Variants in CDH4 observed in about 807,000 individuals in gnomAD.
CDH4 encodes the protein cadherin-4.
CDH4 carries 33 observed loss-of-function variants against 86.0 expected under a neutral mutation model. The observed-to-expected ratio is 0.38, with a 90% CI of 0.29 to 0.51. The LOEUF (loss-of-function observed/expected upper bound fraction) is 0.51. Among genes scored for constraint, CDH4 ranks in the 20% least tolerant of loss-of-function variants. The pLI is 0.86. For missense variants in CDH4, 1,114 were observed against 1,307.4 expected (o/e 0.85, Z 2.28); for synonymous variants, 555 against 549.4 (o/e 1.01, Z -0.14).
chr20:61,806,257 G>A (rs1980122812), intron 4 of CDH4, among the ~76,000 whole-genome samples: 1 of 152,194 alleles, frequency 6.6e-6, no homozygotes, highest in South Asian at 2.1e-4. Flanking sequence ...ACTGGTTGGG[G>A]GTGGAGTGTT....
rs1003729216 is a variant in CDH4, at chr20:61,252,685, C to T, written c.57+115C>T. 36 of 520,650 alleles carry T rather than the reference C, an allele frequency of 6.9e-5. No homozygotes were observed. In the African/African-American group the frequency reaches 7.3e-4, roughly 11 times the overall value. The allele number at this position is 520,650 out of a possible 1,614,324, so 32.3% of individuals were successfully genotyped here. A position where few individuals can be genotyped will look rare whatever the true frequency, so the allele number is the denominator to read the frequency against. On this transcript the variant is annotated intron_variant, in intron 1 of 15. Transcript: ENST00000614565. This position sits in a 1 kb window ranked among gnomAD's most constrained non-coding sequence, Gnocchi z 4.4. ...GGGGCTCTCCCGGGCTCCCCCGCCG[C>T]GCTCCCCGCTGCATCCAGCCCGGCG...
At chr20:61,259,982 A>G (rs1359607253) in intron 2 of CDH4, among the ~76,000 whole-genome samples, 2 of 152,184 alleles carry the variant, frequency 1.3e-5, no homozygotes, top group Admixed American at 6.5e-5. Context: ...GGTGGAACAC[A>G]AATTGGGTCC....
intron 6 of CDH4, among the ~76,000 whole-genome samples, chr20:61,872,489 G>C (rs532538299): frequency 1.4e-3 from 215 of 152,190 alleles, no homozygotes; most frequent in African/African-American, 5.0e-3. Flanking sequence ...GGGTCTCTCT[G>C]AGACTGCCAC....
chr20:61,565,402 TGG>T lies in CDH4; in HGVS notation c.170-178160_170-178159del, dbSNP rs1491424908. Among the ~76,000 whole-genome samples, 52 of 89,696 alleles carry T rather than the reference TGG, an allele frequency of 5.8e-4. 12 individuals carry two copies. In the East Asian group the frequency reaches 0.012, roughly 20 times the overall value. The allele number at this position is 89,696 out of a possible 152,430, so 58.8% of individuals were successfully genotyped here. On this transcript the variant is annotated intron_variant, in intron 2 of 15. Transcript: ENST00000614565. ...CCTCTTGGTGATGGGGTGATGGTGG[TGG>T]CGGTGCTCTTGCTATTGTTGTTGCT...
At chr20:61,678,342 G>A (rs1178937389) in intron 2 of CDH4, among the ~76,000 whole-genome samples, 4 of 152,190 alleles carry the variant, frequency 2.6e-5, no homozygotes, top group African/African-American at 4.8e-5. Flanking sequence ...AAATATAAAC[G>A]TAGATCAGTA....
At chr20:61,882,875 C>T (rs1568865313) in intron 7 of CDH4, among the ~76,000 whole-genome samples, 1 of 150,770 alleles carries the variant, frequency 6.6e-6, no homozygotes, top group South Asian at 2.1e-4. Context: ...CCCGCAGGTG[C>T]CTTTCCTTCT....
Position 61,691,374 on chromosome 20 carries a change from T to C in CDH4, c.170-52189T>C, listed in dbSNP as rs554883862. ...ATTTTTGTGTGTGCATGTGCATATGTGTGTGTATTTGTGTGGATGTGTGTG... is the reference window on the plus strand; with the variant it reads ...ATTTTTGTGTGTGCATGTGCATATGCGTGTGTATTTGTGTGGATGTGTGTG... On this transcript the variant is annotated intron_variant, in intron 2 of 15. Transcript: ENST00000614565. Among the ~76,000 whole-genome samples the C allele has an allele frequency of 1.1e-4, 16 of 152,126 alleles. No individual in the cohort carries two copies. In the South Asian group the frequency reaches 2.3e-3, roughly 22 times the overall value.
At chr20:61,871,430 A>C (rs1452063047) in intron 6 of CDH4, among the ~76,000 whole-genome samples, 1 of 152,104 alleles carries the variant, frequency 6.6e-6, no homozygotes, top group Non-Finnish European at 1.5e-5. Flanking sequence ...CTCTCCACGA[A>C]TGATTTCTTT....
rs1011167172 is a variant in CDH4 at position 61,829,124 on chromosome 20, C to T, written c.577-15544C>T. On this transcript the variant is annotated intron_variant, in intron 4 of 15. Coordinates refer to ENST00000614565, the MANE Select transcript of CDH4 (RefSeq NM_001794.5). The surrounding 1 kb of genome is among the most constrained non-coding windows in gnomAD (Gnocchi z 4.2). ...GCCCAGTTCCTAACAGGCCACAGAC[C>T]GGTACCGGGTTGGGGACCCTGCTTT... is the stretch of plus-strand genomic sequence containing the variant. 1.3e-5 allele frequency among the ~76,000 whole-genome samples: 2 copies of T among 152,322 alleles called. No individual in the cohort carries two copies. The highest frequency in any genetic ancestry group is 4.8e-5 in the African/African-American group (2 of 41,560).
At position 61,684,803 on chromosome 20, in the gene CDH4, C is replaced by A. The variant is rs2087555787; in HGVS notation, c.170-58760C>A. On this transcript the variant is annotated intron_variant, in intron 2 of 15. Coordinates refer to ENST00000614565, the MANE Select transcript of CDH4 (RefSeq NM_001794.5). This position sits in a 1 kb window ranked among gnomAD's most constrained non-coding sequence, Gnocchi z 4.5. ...ACAGCCGCCTGCCGTGACCACCCCTCGATGTGGGTGAGGTTTCTAAACTGC... is the reference window on the plus strand; with the variant it reads ...ACAGCCGCCTGCCGTGACCACCCCTAGATGTGGGTGAGGTTTCTAAACTGC... 6.6e-6 allele frequency among the ~76,000 whole-genome samples: 1 copy of A among 152,160 alleles called. No individual in the cohort carries two copies. The highest frequency in any genetic ancestry group is 2.4e-5 in the African/African-American group (1 of 41,414).
intron 2 of CDH4, among the ~76,000 whole-genome samples, chr20:61,491,931 A>C (rs1196825367): frequency 6.7e-6 from 1 of 149,666 alleles, no homozygotes; most frequent in Non-Finnish European, 1.5e-5. Context: ...TGTTGCTGAT[A>C]CTGTTAGTGG....
rs200661197 is a variant in CDH4 at position 61,652,917 on chromosome 20, A to AATTT, written c.170-90625_170-90622dup. Among the ~76,000 whole-genome samples the AATTT allele has an allele frequency of 1.1e-3, 134 of 126,442 alleles. 1 individual carries two copies. Among genetic ancestry groups the AATTT allele is most frequent in the East Asian group, 1.9e-3 (9 of 4,858 alleles). 83.0% of individuals were successfully genotyped at this position (126,442 alleles called of 152,430 possible). On this transcript the variant is annotated intron_variant, in intron 2 of 15. Coordinates refer to ENST00000614565, the MANE Select transcript of CDH4 (RefSeq NM_001794.5). The stretch of plus-strand genomic sequence containing the variant: ...CTCTCCCAAAGGTTACCAGTGTTTG[A>AATTT]ATTTATTTATTTATTTATTTATTTT...
At chr20:61,443,116 A>G (rs1230824370) in intron 2 of CDH4, among the ~76,000 whole-genome samples, 1 of 152,158 alleles carries the variant, frequency 6.6e-6, no homozygotes, top group Non-Finnish European at 1.5e-5. Context: ...TTTTAATGTA[A>G]TCTATAGTTG....
intron 2 of CDH4, among the ~76,000 whole-genome samples, chr20:61,617,036 C>T (rs2086730599): frequency 6.6e-6 from 1 of 152,198 alleles, no homozygotes; most frequent in Admixed American, 6.5e-5. Context: ...GCCCCTGTCA[C>T]TATGGGACAG....
rs752476988 is a variant in CDH4, at chr20:61,934,178, C to T, written c.2502C>T (p.Pro834=). Residue 834 remains proline (P), a synonymous_variant, in exon 15 of 16, where the codon CCC becomes CCT. Transcript: ENST00000614565. ...CTGAGCCCCAGTACCCGATCAGGCC[C>T]ATGGTGCCGCACCCAGGCGACATCG... The part of the protein sequence containing the change: ...VGAEPQYPIR[P]MVPHPGDIGD... 2 of 1,598,236 alleles carry T rather than the reference C, an allele frequency of 1.3e-6. No individual in the cohort carries two copies. Among genetic ancestry groups the T allele is most frequent in the Non-Finnish European group, 1.7e-6 (2 of 1,169,830 alleles).
In CDH4 at chr20:61,549,037, G is replaced by A. The variant is rs922932967; in HGVS notation, c.170-194526G>A. 1.1e-4 allele frequency among the ~76,000 whole-genome samples: 16 copies of A among 152,104 alleles called. No individual in the cohort carries two copies. The South Asian group carries it at 2.1e-3, about 20-fold the overall frequency. On this transcript the variant is annotated intron_variant, in intron 2 of 15. Coordinates refer to ENST00000614565, the MANE Select transcript of CDH4 (RefSeq NM_001794.5). ...TGGGACGGAGGGAATGGGGCTCCAC[G>A]GGGGCAGGCAGATGTTATCTAAGCA...
intron 2 of CDH4, among the ~76,000 whole-genome samples, chr20:61,529,993 A>G (rs2085940004): frequency 6.6e-6 from 1 of 151,976 alleles, no homozygotes; most frequent in Non-Finnish European, 1.5e-5. Context: ...GCCTGCCACC[A>G]TGCTTGGCTA....
chr20:61,317,979 A>G (rs897472965), intron 2 of CDH4, among the ~76,000 whole-genome samples: 10 of 152,224 alleles, frequency 6.6e-5, no homozygotes, highest in Non-Finnish European at 1.0e-4. Flanking sequence ...GAAAACGCCA[A>G]CTGTGTTTGT....
At chr20:61,476,439 C>T (rs531647975) in intron 2 of CDH4, among the ~76,000 whole-genome samples, 4 of 152,240 alleles carry the variant, frequency 2.6e-5, no homozygotes, top group East Asian at 1.9e-4. Flanking sequence ...TTTTTCTAAA[C>T]GTAGACACAA....
Sources: gnomAD v4.1 joint callset for allele counts (sites outside exome capture counted in the v4.1 genomes callset) on GRCh38, gnomAD v4.1.1 for gene constraint, Gnocchi (gnomAD v3.1) non-coding constraint, MANE v1.5 for transcripts, NCBI Gene and HGNC (gene_info 2026-07-23, HGNC 2026-07-21) for gene names.